Variants in NUFIP2 observed in about 807,000 individuals in gnomAD.
The protein encoded by NUFIP2 is FMR1-interacting protein NUFIP2.
NUFIP2 carries 6 observed loss-of-function variants against 56.9 expected under a neutral mutation model. That is an observed-to-expected ratio of 0.11 (90% CI 0.06 to 0.21). NUFIP2 has a LOEUF of 0.21. Ranked by LOEUF, NUFIP2 falls within the 10% of genes least tolerant of loss-of-function variation. The probability of loss-of-function intolerance (pLI) is 1.00; values close to 1 mark genes in which losing one functional copy is unlikely to be tolerated. For synonymous variants in NUFIP2, 321 were observed against 298.2 expected (o/e 1.08, Z -0.79); for missense variants, 828 against 826.8 (o/e 1.00, Z -0.02).
chr17:29,277,328 CAT>C (rs1236495415), intron 2 of NUFIP2, among the ~76,000 whole-genome samples: 1 of 152,106 alleles, frequency 6.6e-6, no homozygotes, highest in Non-Finnish European at 1.5e-5. Flanking sequence ...GAACCTAGAA[CAT>C]CTTTTAAAAA....
chr17:29,289,211 T>C (rs569359075), intron 1 of NUFIP2, among the ~76,000 whole-genome samples: 7 of 152,332 alleles, frequency 4.6e-5, no homozygotes, highest in East Asian at 1.9e-4. Flanking sequence ...GTGATTCAAA[T>C]AGTTTTCCAC....
At chr17:29,272,219 A>AT (rs1218825295) in intron 2 of NUFIP2, among the ~76,000 whole-genome samples, 18 of 151,252 alleles carry the variant, frequency 1.2e-4, no homozygotes, top group Admixed American at 1.1e-3. Context: ...CTCAATTCAG[A>AT]TTTTAAATAT....
chr17:29,281,921 C>T (rs1008267242), intron 2 of NUFIP2, among the ~76,000 whole-genome samples: 2 of 151,850 alleles, frequency 1.3e-5, no homozygotes, highest in South Asian at 2.1e-4. Context: ...CCTGCTACCA[C>T]GCCCGGCTAA....
At chr17:29,269,504 A>ATT (rs545018097) in intron 2 of NUFIP2, among the ~76,000 whole-genome samples, 4 of 143,946 alleles carry the variant, frequency 2.8e-5, no homozygotes, top group Non-Finnish European at 4.6e-5. Context: ...TAAAAACCAA[A>ATT]TTTTTTTTTT....
At chr17:29,278,334 C>T (rs1197634271) in intron 2 of NUFIP2, among the ~76,000 whole-genome samples, 1 of 151,974 alleles carries the variant, frequency 6.6e-6, no homozygotes, top group African/African-American at 2.4e-5. Flanking sequence ...GCAAGCTCCA[C>T]CTCCCGGGTT....
At position 29,264,097 on chromosome 17, in the gene NUFIP2, T is replaced by C. The variant is rs866037907; in HGVS notation, c.*442A>G. 1 of 152,624 alleles carries C rather than the reference T, an allele frequency of 6.6e-6. No homozygotes were observed. The highest frequency in any genetic ancestry group is 2.4e-5 in the African/African-American group (1 of 41,452). 9.5% of individuals were successfully genotyped at this position (152,624 alleles called of 1,614,324 possible). On this transcript the variant is annotated 3_prime_UTR_variant, in exon 4 of 4. Transcript: ENST00000225388. ...ATCATTCTGGGTTCCCCGTGATTAG[T>C]GTATCACTTCAGTCACAGAACAAGA...
rs779683854 is a variant in NUFIP2 at position 29,286,493 on chromosome 17, C to G, written c.1501G>C (p.Asp501His). The change falls in exon 2 of 4, where the codon GAT becomes CAT. Residue 501 changes from aspartate to histidine, a missense_variant. Physicochemically the swap from Asp to His is moderately conservative, Grantham distance 81 (BLOSUM62 -1). Around this residue, in one of 3 missense-constraint regions of NUFIP2, gnomAD observed 404 missense variants for 380.3 expected, o/e 1.06. Coordinates refer to ENST00000225388, the MANE Select transcript of NUFIP2 (RefSeq NM_020772.3). ...PSQTDQQNLG[D>H]IFQNQWGLSF... is the part of the protein sequence containing the mutation. ...AAACCCCACTGATTCTGGAAGATATCCCCCAGGTTTTGCTGATCTGTCTGA... is the reference window on the plus strand; with the variant it reads ...AAACCCCACTGATTCTGGAAGATATGCCCCAGGTTTTGCTGATCTGTCTGA... 1 of 1,614,146 alleles carries G rather than the reference C, an allele frequency of 6.2e-7. No individual in the cohort carries two copies. The highest frequency in any genetic ancestry group is 8.5e-7 in the Non-Finnish European group (1 of 1,180,024).
intron 2 of NUFIP2, among the ~76,000 whole-genome samples, chr17:29,279,225 C>T (rs562014229): frequency 6.6e-6 from 1 of 152,284 alleles, no homozygotes; most frequent in South Asian, 2.1e-4. Flanking sequence ...AAACTGTACA[C>T]CTAGTCCTTG....
At chr17:29,289,035 G>A (rs2069194973) in intron 1 of NUFIP2, among the ~76,000 whole-genome samples, 1 of 152,124 alleles carries the variant, frequency 6.6e-6, no homozygotes. Flanking sequence ...CCCAGCTGGG[G>A]GAGCTGAGGG....
At chr17:29,272,736 C>T (rs1567677327) in intron 2 of NUFIP2, among the ~76,000 whole-genome samples, 1 of 151,836 alleles carries the variant, frequency 6.6e-6, no homozygotes, top group African/African-American at 2.4e-5. Context: ...GGAAAAGGAG[C>T]ATTTCCTTTT....
chr17:29,275,664 T>TCC (rs2069103326), intron 2 of NUFIP2, among the ~76,000 whole-genome samples: 1 of 152,172 alleles, frequency 6.6e-6, no homozygotes, highest in African/African-American at 2.4e-5. Flanking sequence ...TTAACTGGCC[T>TCC]CCTTTGCCAT....
At chr17:29,269,333 C>T (rs990757396) in intron 2 of NUFIP2, among the ~76,000 whole-genome samples, 8 of 152,116 alleles carry the variant, frequency 5.3e-5, no homozygotes, top group Non-Finnish European at 1.2e-4. Context: ...TACATCTAGA[C>T]TTGGGTTACA....
rs374535421 is a variant in NUFIP2 at position 29,274,121 on chromosome 17, T to G, written c.2003-6591A>C. ...AATGAACAAAGGTCGGTGGTATGTG[T>G]GTGCTTTAACAAGGTGTGTTTGAGC... On this transcript the variant is annotated intron_variant, in intron 2 of 3. Transcript: ENST00000225388. 6.0e-4 allele frequency among the ~76,000 whole-genome samples: 91 copies of G among 152,360 alleles called. 3 individuals are homozygous for G. In the South Asian group the frequency reaches 0.019, roughly 32 times the overall value.
intron 2 of NUFIP2, among the ~76,000 whole-genome samples, chr17:29,274,816 T>A (rs1424663913): frequency 6.6e-6 from 1 of 151,770 alleles, no homozygotes; most frequent in Non-Finnish European, 1.5e-5. Flanking sequence ...CAATAAATGT[T>A]AAGAAGAGAT....
chr17:29,271,369 T>C lies in NUFIP2; in HGVS notation c.2003-3839A>G, dbSNP rs983716833. 3.3e-5 allele frequency among the ~76,000 whole-genome samples: 5 copies of C among 152,040 alleles called. No homozygotes were observed. In the South Asian group the frequency reaches 1.0e-3, roughly 32 times the overall value. The stretch of plus-strand genomic sequence containing the variant: ...CTGGCCAACATGGTGAAACCCCGTC[T>C]CTACTAAAAATACAAAAATTAGTAA... On this transcript the variant is annotated intron_variant, in intron 2 of 3. Transcript: ENST00000225388.
chr17:29,293,754 C>A (rs1414237862), intron 1 of NUFIP2, 29 bp downstream of exon 1: 2 of 1,486,836 alleles, frequency 1.3e-6, no homozygotes, highest in Non-Finnish European at 1.8e-6. Context: ...CCCCCAACCC[C>A]CTTCCCCCAC....
chr17:29,262,906 C>G lies in NUFIP2; in HGVS notation c.*1633G>C, dbSNP rs1314816207. The G allele has an allele frequency of 6.6e-6, 1 of 152,272 alleles. No individual in the cohort carries two copies. Among genetic ancestry groups the G allele is most frequent in the African/African-American group, 2.4e-5 (1 of 41,376 alleles). 9.4% of individuals were successfully genotyped at this position (152,272 alleles called of 1,614,324 possible). ...TTTCATGAACTACTTGTTTTAAAAG[C>G]CTCAAATAATCAACAAAACAAGAAA... On this transcript the variant is annotated 3_prime_UTR_variant, in exon 4 of 4. Coordinates refer to ENST00000225388, the MANE Select transcript of NUFIP2 (RefSeq NM_020772.3).
chr17:29,274,327 G>A (rs1233346635), intron 2 of NUFIP2, among the ~76,000 whole-genome samples: 2 of 152,142 alleles, frequency 1.3e-5, no homozygotes, highest in African/African-American at 2.4e-5. Context: ...AAAACTAGCT[G>A]GGTGTGCTAA....
At chr17:29,267,337 A>C (rs1598429757) in intron 3 of NUFIP2, among the ~76,000 whole-genome samples, 161 bp downstream of exon 3, 1 of 152,142 alleles carries the variant, frequency 6.6e-6, no homozygotes, top group African/African-American at 2.4e-5. Context: ...TAGAGGCATG[A>C]GCCACCCTGC....
Sources: allele counts gnomAD v4.1 joint callset (sites outside exome capture counted in the v4.1 genomes callset), GRCh38; gene constraint gnomAD v4.1.1; regional missense constraint gnomAD v4.1.1; transcripts MANE v1.5; gene names NCBI Gene and HGNC (gene_info 2026-07-23, HGNC 2026-07-21).